The following SNAP91 variants were observed in gnomAD, a reference collection of about 807,000 sequenced individuals.
The protein encoded by SNAP91 is clathrin coat assembly protein AP180.
Under a neutral mutation model 100.3 loss-of-function variants are expected in SNAP91, and 27 were observed. The ratio of observed to expected loss-of-function variants is 0.27; its 90% CI spans 0.20 to 0.37. The LOEUF is 0.37. Ranked by LOEUF, SNAP91 falls within the 10% of genes least tolerant of loss-of-function variation. The pLI, the probability that SNAP91 is intolerant of heterozygous loss-of-function variation, is 1.00. For missense variants in SNAP91, 986 were observed against 1,123.7 expected, an observed-to-expected ratio of 0.88 and a Z score of 1.75; for synonymous variants, 404 against 398.6, an observed-to-expected ratio of 1.01 and a Z score of -0.16.
intron 23 of SNAP91, among the ~76,000 whole-genome samples, chr6:83,581,111 TAA>T: frequency 6.6e-6 from 1 of 152,220 alleles, no homozygotes; most frequent in African/African-American, 2.4e-5. Flanking sequence ...GAAATCTAAA[TAA>T]TTTACTCTGA....
Position 83,656,856 on chromosome 6 carries a change from T to G in SNAP91, c.556A>C (p.Asn186His). Residue 186 changes from asparagine (N) to histidine (H), a missense_variant, in exon 7 of 30, where the codon AAT becomes CAT. Physicochemically the swap from Asn to His is moderately conservative, Grantham distance 68. This residue lies in a region of SNAP91 where 330 missense variants were observed against 447.5 expected (regional missense o/e 0.74). Transcript: ENST00000369694. ...DALLEFDVHP[N>H]ELTNGVINAA... ...TTTATGACACCATTTGTTAGTTCATTTGGATGCACCTAGAAAAACAGAAAA... is the reference window on the plus strand; with the variant it reads ...TTTATGACACCATTTGTTAGTTCATGTGGATGCACCTAGAAAAACAGAAAA... 6.4e-7 allele frequency: 1 copy of G among 1,570,686 alleles called. No individual in the cohort carries two copies.
intron 13 of SNAP91, 73 bp from the exon 14 acceptor site, chr6:83,605,876 T>G: frequency 8.6e-7 from 1 of 1,169,582 alleles, no homozygotes; most frequent in Non-Finnish European, 1.2e-6. Flanking sequence ...AATAAAGACA[T>G]GCAGAAATCA....
At chr6:83,632,738 ATTG>A (rs968198173) in intron 8 of SNAP91, among the ~76,000 whole-genome samples, 2 of 151,976 alleles carry the variant, frequency 1.3e-5, no homozygotes, top group African/African-American at 2.4e-5. Context: ...TGAAGTTTTG[ATTG>A]TTTTTATTTA....
In SNAP91 at chr6:83,709,097, G is replaced by C. The variant is rs557332270; in HGVS notation, c.-283C>G. The stretch of plus-strand genomic sequence containing the variant: ...CCGCCGCGTCTCTCTAGCGCTCCGA[G>C]CTGCGTCCCCATCCCCGCCCCCACC... On this transcript the variant is annotated 5_prime_UTR_variant, in exon 1 of 30. Transcript: ENST00000369694. 1.3e-5 allele frequency: 2 copies of C among 152,678 alleles called. No homozygotes were observed. Among genetic ancestry groups the C allele is most frequent in the Non-Finnish European group, 2.9e-5 (2 of 68,428 alleles). The allele number at this position is 152,678 out of a possible 1,614,324, so 9.5% of individuals were successfully genotyped here.
At chr6:83,661,712 A>G in intron 4 of SNAP91, 108 bp from the exon 5 acceptor site, 1 of 565,850 alleles carries the variant, frequency 1.8e-6, no homozygotes, top group Non-Finnish European at 3.1e-6. Flanking sequence ...GTCCTAGGAT[A>G]GGGTCAATAA....
chr6:83,558,059 TTTTTCA>T (rs1166363522), intron 28 of SNAP91, among the ~76,000 whole-genome samples: 1 of 152,088 alleles, frequency 6.6e-6, no homozygotes, highest in African/African-American at 2.4e-5. Flanking sequence ...ATACTATCTA[TTTTTCA>T]TTTTCATTCT....
chr6:83,656,443 G>C (rs1298359120), intron 7 of SNAP91, among the ~76,000 whole-genome samples: 2 of 152,134 alleles, frequency 1.3e-5, no homozygotes, highest in Non-Finnish European at 2.9e-5. Context: ...TCAACACTGA[G>C]CTTTCATCAT....
At chr6:83,589,986 G>A (rs1425483509) in intron 22 of SNAP91, among the ~76,000 whole-genome samples, 1 of 152,180 alleles carries the variant, frequency 6.6e-6, no homozygotes, top group African/African-American at 2.4e-5. Flanking sequence ...AGGTCTACAT[G>A]GCTAGCACTA....
intron 24 of SNAP91, among the ~76,000 whole-genome samples, chr6:83,578,107 T>A (rs1033739130): frequency 1.1e-4 from 16 of 152,176 alleles, no homozygotes; most frequent in East Asian, 7.7e-4. Context: ...CATTTTTTTT[T>A]ATCCATTCAT....
At chr6:83,594,281 A>G in intron 17 of SNAP91, 93 bp downstream of exon 17, 1 of 929,972 alleles carries the variant, frequency 1.1e-6, no homozygotes. Flanking sequence ...CTCAGAAGAA[A>G]GTAAAATTAG....
chr6:83,585,541 A>AAAACAAAAAAAAAAAC lies in SNAP91; in HGVS notation c.2015-3186_2015-3185insGTTTTTTTTTTTGTTT, dbSNP rs3037002. ...GTGACCTTGTTGCTTAAAAAAAAAA[A>AAAACAAAAAAAAAAAC]AAAAAGAAAGGTGCTCTATGGAATG... On this transcript the variant is annotated intron_variant, in intron 22 of 29. Coordinates refer to ENST00000369694, the MANE Select transcript of SNAP91 (RefSeq NM_001242792.2). Among the ~76,000 whole-genome samples the AAAACAAAAAAAAAAAC allele has an allele frequency of 7.9e-3, 1,161 of 147,870 alleles. 11 individuals carry two copies. The highest frequency in any genetic ancestry group is 0.027 in the African/African-American group (1,082 of 40,260).
At chr6:83,628,222 C>CATAT (rs57893971) in intron 8 of SNAP91, among the ~76,000 whole-genome samples, 1,460 of 124,686 alleles carry the variant, frequency 0.012, 62 homozygotes, top group African/African-American at 0.034. Flanking sequence ...TTCCATTTTA[C>CATAT]ATATATATAT....
intron 20 of SNAP91, 59 bp from the exon 21 acceptor site, chr6:83,592,597 A>G: frequency 7.3e-7 from 1 of 1,361,732 alleles, no homozygotes; most frequent in South Asian, 1.2e-5. Context: ...GAAAACCATG[A>G]GCCTTGACAA....
Position 83,560,135 on chromosome 6 carries a change from G to T in SNAP91, c.2600C>A (p.Pro867His). Residue 867 changes from proline (P) to histidine (H), a missense_variant, in exon 28 of 30, where the codon CCC becomes CAC. This residue lies in a region of SNAP91 where 71 missense variants were observed against 68.5 expected (regional missense o/e 1.04). Transcript: ENST00000369694. The part of the protein sequence containing the change: ...VMFAQPMMRP[P>H]FGAAAVPGTQ... The stretch of plus-strand genomic sequence containing the variant: ...GCCAGGTACAGCGGCAGCTCCAAAG[G>T]GGGGCCTCATCATGGGCTGTGCAAA... 2 of 1,613,922 alleles carry T rather than the reference G, an allele frequency of 1.2e-6. No individual in the cohort carries two copies. The highest frequency in any genetic ancestry group is 1.7e-6 in the Non-Finnish European group (2 of 1,179,882).
At chr6:83,585,354 C>CTA (rs1418787535) in intron 22 of SNAP91, among the ~76,000 whole-genome samples, 1 of 151,886 alleles carries the variant, frequency 6.6e-6, no homozygotes, top group South Asian at 2.1e-4. Context: ...ATATATCTAT[C>CTA]TATATATATC....
chr6:83,666,333 A>G (rs565927629), intron 2 of SNAP91, among the ~76,000 whole-genome samples: 1 of 152,188 alleles, frequency 6.6e-6, no homozygotes, highest in East Asian at 1.9e-4. Context: ...ACAACCAAAG[A>G]TCATGTGCTA....
At chr6:83,569,290 T>G (rs960563065) in intron 26 of SNAP91, among the ~76,000 whole-genome samples, 1 of 152,192 alleles carries the variant, frequency 6.6e-6, no homozygotes, top group South Asian at 2.1e-4. Context: ...GCTAAAACTT[T>G]CCATATTTCA....
chr6:83,635,371 C>A (rs1271342645), intron 8 of SNAP91, among the ~76,000 whole-genome samples: 2 of 152,138 alleles, frequency 1.3e-5, no homozygotes, highest in African/African-American at 4.8e-5. Flanking sequence ...CCCCCCTAAT[C>A]TCTCATCTCT....
chr6:83,626,545 T>A (rs2096937478), intron 8 of SNAP91, among the ~76,000 whole-genome samples: 1 of 152,268 alleles, frequency 6.6e-6, no homozygotes, highest in African/African-American at 2.4e-5. Flanking sequence ...CATTGGTGTT[T>A]TGTAGTCCTC....
Sources: allele counts gnomAD v4.1 joint callset (sites outside exome capture counted in the v4.1 genomes callset), GRCh38; gene constraint gnomAD v4.1.1; regional missense constraint gnomAD v4.1.1; transcripts MANE v1.5; gene names NCBI Gene and HGNC (gene_info 2026-07-23, HGNC 2026-07-21).